Variants in DCC observed in about 807,000 individuals in gnomAD.
DCC encodes the protein DCC netrin 1 receptor.
DCC carries 58 observed loss-of-function variants against 172.5 expected under a neutral mutation model. That is an observed-to-expected ratio of 0.34 (90% CI 0.27 to 0.42). The LOEUF (loss-of-function observed/expected upper bound fraction) is 0.42. Ranked by LOEUF, DCC falls within the 10% of genes least tolerant of loss-of-function variation. The pLI is 1.00. For synonymous variants in DCC, 709 were observed against 644.5 expected (o/e 1.10, Z -1.52); for missense variants, 1,740 against 1,791.0 (o/e 0.97, Z 0.51).
chr18:52,783,372 G>T (rs1217780971), intron 2 of DCC, among the ~76,000 whole-genome samples: 11 of 84,966 alleles, frequency 1.3e-4, no homozygotes, highest in Non-Finnish European at 2.0e-4. Flanking sequence ...ACAACACAAA[G>T]GTTGAAGTAC....
At chr18:52,417,676 C>A (rs1184448691) in intron 1 of DCC, among the ~76,000 whole-genome samples, 1 of 152,194 alleles carries the variant, frequency 6.6e-6, no homozygotes, top group Non-Finnish European at 1.5e-5. Flanking sequence ...GCTCCTGAGG[C>A]TTCTGCATTC....
At chr18:52,709,134 C>G (rs550218627) in intron 1 of DCC, among the ~76,000 whole-genome samples, 1 of 152,250 alleles carries the variant, frequency 6.6e-6, no homozygotes, top group Non-Finnish European at 1.5e-5. Context: ...TGCAAGATAC[C>G]TGTAATTATC....
intron 8 of DCC, among the ~76,000 whole-genome samples, chr18:53,161,669 C>G (rs1284971139): frequency 1.3e-5 from 2 of 152,154 alleles, no homozygotes; most frequent in Admixed American, 1.3e-4. Context: ...AACCCCAATT[C>G]CTCCCCACCA....
intron 2 of DCC, among the ~76,000 whole-genome samples, chr18:52,821,869 A>C (rs369521747): frequency 2.0e-5 from 3 of 152,308 alleles, no homozygotes; most frequent in African/African-American, 7.2e-5. Flanking sequence ...CTCAAAAATC[A>C]CTTACAGAAT....
chr18:53,111,256 G>T (rs1343512426), intron 7 of DCC, among the ~76,000 whole-genome samples: 2 of 101,006 alleles, frequency 2.0e-5, no homozygotes, highest in African/African-American at 7.6e-5. Context: ...TTGTGGGGTG[G>T]GGGGAGGGGG....
intron 21 of DCC, among the ~76,000 whole-genome samples, chr18:53,422,582 G>C (rs1013870962): frequency 6.6e-6 from 1 of 152,106 alleles, no homozygotes; most frequent in Non-Finnish European, 1.5e-5. Flanking sequence ...CCTTAATAGG[G>C]TATTCAGGCA....
intron 7 of DCC, among the ~76,000 whole-genome samples, chr18:53,114,683 C>G (rs2043385511): frequency 6.6e-6 from 1 of 151,492 alleles, no homozygotes; most frequent in Non-Finnish European, 1.5e-5. Context: ...ACATGCAGAT[C>G]AGCCACGTTG....
chr18:52,806,381 T>G (rs2038083965), intron 2 of DCC, among the ~76,000 whole-genome samples: 1 of 152,240 alleles, frequency 6.6e-6, no homozygotes. Context: ...TTGGTGAGTC[T>G]TTGTTTTTAC....
intron 15 of DCC, among the ~76,000 whole-genome samples, chr18:53,357,104 T>C (rs1449408209): frequency 6.6e-6 from 1 of 152,162 alleles, no homozygotes; most frequent in African/African-American, 2.4e-5. Flanking sequence ...GAAGTTGGAG[T>C]TCTTTAATAA....
intron 1 of DCC, among the ~76,000 whole-genome samples, chr18:52,632,688 C>A (rs2034699241): frequency 6.6e-6 from 1 of 152,196 alleles, no homozygotes; most frequent in South Asian, 2.1e-4. Flanking sequence ...GCATTCTGAT[C>A]ATGAGCATTC....
chr18:52,483,291 C>A, intron 1 of DCC, among the ~76,000 whole-genome samples: 1 of 152,094 alleles, frequency 6.6e-6, no homozygotes, highest in East Asian at 1.9e-4. Flanking sequence ...CTAGGGTGGA[C>A]ATATCTGTTG....
At chr18:52,534,083 A>T (rs2032224066) in intron 1 of DCC, among the ~76,000 whole-genome samples, 1 of 152,130 alleles carries the variant, frequency 6.6e-6, no homozygotes, top group South Asian at 2.1e-4. Flanking sequence ...TGGATATACC[A>T]CATTTGGTTT....
intron 25 of DCC, among the ~76,000 whole-genome samples, chr18:53,477,061 TG>T (rs1386018852): frequency 2.6e-5 from 4 of 152,222 alleles, no homozygotes; most frequent in Non-Finnish European, 5.9e-5. Context: ...CCAGCTGCAG[TG>T]CAGTGGTATG....
At chr18:53,158,620 C>T (rs2054785982) in intron 8 of DCC, among the ~76,000 whole-genome samples, 1 of 151,492 alleles carries the variant, frequency 6.6e-6, no homozygotes, top group South Asian at 2.1e-4. Context: ...AAATGCTCTC[C>T]TTTGTAGTTG....
At chr18:52,474,784 G>A (rs955131381) in intron 1 of DCC, among the ~76,000 whole-genome samples, 32 of 152,200 alleles carry the variant, frequency 2.1e-4, no homozygotes, top group Non-Finnish European at 7.3e-5. Flanking sequence ...GGTTCCTCCT[G>A]TATCATAATG....
chr18:53,055,953 C>T (rs2042398125), intron 5 of DCC, among the ~76,000 whole-genome samples: 2 of 152,098 alleles, frequency 1.3e-5, no homozygotes, highest in Non-Finnish European at 2.9e-5. Flanking sequence ...CATTTCTCAT[C>T]TCACACTTGA....
chr18:52,876,980 T>C (rs912208414), intron 2 of DCC, among the ~76,000 whole-genome samples: 1 of 152,204 alleles, frequency 6.6e-6, no homozygotes, highest in Non-Finnish European at 1.5e-5. Context: ...AGATAAACAA[T>C]GAATATGTTT....
intron 22 of DCC, among the ~76,000 whole-genome samples, chr18:53,437,071 A>C (rs1369605130): frequency 6.6e-6 from 1 of 152,178 alleles, no homozygotes; most frequent in Non-Finnish European, 1.5e-5. Flanking sequence ...ATTAGGTTTC[A>C]ACATAAGAAT....
At chr18:52,983,334 G>C (rs1438208369) in intron 5 of DCC, among the ~76,000 whole-genome samples, 1 of 152,134 alleles carries the variant, frequency 6.6e-6, no homozygotes, top group Non-Finnish European at 1.5e-5. Flanking sequence ...AAATTGAAGA[G>C]GCAGACCAAC....
Sources: allele counts gnomAD v4.1 joint callset (sites outside exome capture counted in the v4.1 genomes callset), GRCh38; gene constraint gnomAD v4.1.1; transcripts MANE v1.5; gene names NCBI Gene and HGNC (gene_info 2026-07-23, HGNC 2026-07-21).